Variants in ANK3 observed in about 807,000 individuals in gnomAD.
ANK3 encodes the protein ankyrin 3.
ANK3 carries 57 observed loss-of-function variants against 370.9 expected under a neutral mutation model. The ratio of observed to expected loss-of-function variants is 0.15; its 90% CI spans 0.12 to 0.19. ANK3 has a LOEUF of 0.19. Ranked by LOEUF, ANK3 falls within the 10% of genes least tolerant of loss-of-function variation. The probability of loss-of-function intolerance (pLI) is 1.00; values close to 1 mark genes in which losing one functional copy is unlikely to be tolerated. For missense variants in ANK3, 4,439 were observed against 5,302.1 expected, an observed-to-expected ratio of 0.84 and a Z score of 5.06; for synonymous variants, 1,929 against 1,946.3, an observed-to-expected ratio of 0.99 and a Z score of 0.23.
intron 42 of ANK3, among the ~76,000 whole-genome samples, chr10:60,046,780 C>T (rs539988120): frequency 1.3e-5 from 2 of 151,382 alleles, no homozygotes; most frequent in Non-Finnish European, 2.9e-5. Context: ...GCTCTAAGGC[C>T]TCTCTTCAAT....
chr10:60,666,126 A>T (rs1340539172), intron 1 of ANK3, among the ~76,000 whole-genome samples: 1 of 152,254 alleles, frequency 6.6e-6, no homozygotes, highest in Non-Finnish European at 1.5e-5. Context: ...TCATAAGGGC[A>T]TTACTCAAAA....
chr10:60,547,655 GGAGACAGACAGA>G (rs1347393453), intron 2 of ANK3, among the ~76,000 whole-genome samples: 3 of 148,584 alleles, frequency 2.0e-5, no homozygotes, highest in Non-Finnish European at 4.4e-5. Context: ...GGGTGGTGGT[GGAGACAGACAGA>G]GAGACAGAGA....
At chr10:60,382,170 C>G (rs889416771) in intron 1 of ANK3, among the ~76,000 whole-genome samples, 18 of 152,242 alleles carry the variant, frequency 1.2e-4, no homozygotes, top group Admixed American at 1.0e-3. Flanking sequence ...CTTTCAGTAC[C>G]TACAAAATCT....
intron 24 of ANK3, among the ~76,000 whole-genome samples, chr10:60,135,738 A>T (rs1489724279): frequency 6.6e-6 from 1 of 152,214 alleles, no homozygotes; most frequent in Non-Finnish European, 1.5e-5. Flanking sequence ...TTTGCATGAA[A>T]CAATTTCTTT....
At chr10:60,208,336 C>G in intron 9 of ANK3, 103 bp from the exon 10 acceptor site, 1 of 961,082 alleles carries the variant, frequency 1.0e-6, no homozygotes. Flanking sequence ...CAGTTCTTCA[C>G]ATGAAAATAC....
At chr10:60,132,480 T>C (rs1367299649) in intron 25 of ANK3, among the ~76,000 whole-genome samples, 1 of 152,164 alleles carries the variant, frequency 6.6e-6, no homozygotes, top group Non-Finnish European at 1.5e-5. Context: ...AGATGTCTCT[T>C]TCTCTTCCAC....
chr10:60,062,645 G>A (rs532651650), intron 40 of ANK3: 1 of 152,318 alleles, frequency 6.6e-6, no homozygotes, highest in South Asian at 2.1e-4. Context: ...TAAATACCTG[G>A]TGCCACACAG....
At chr10:60,635,411 A>T (rs991710348) in intron 1 of ANK3, among the ~76,000 whole-genome samples, 7 of 152,196 alleles carry the variant, frequency 4.6e-5, no homozygotes, top group Non-Finnish European at 8.8e-5. Context: ...ATGCCTAAAA[A>T]AAATCTATAA....
chr10:60,201,994 C>T (rs549556661), intron 12 of ANK3, among the ~76,000 whole-genome samples: 98 of 152,168 alleles, frequency 6.4e-4, no homozygotes, highest in South Asian at 1.5e-3. Context: ...GGATTACAGG[C>T]GTGAGCCACC....
intron 1 of ANK3, among the ~76,000 whole-genome samples, chr10:60,717,632 T>C (rs986703585): frequency 4.6e-5 from 7 of 152,218 alleles, no homozygotes; most frequent in Non-Finnish European, 1.0e-4. Flanking sequence ...TTAATAATAT[T>C]TATTATGCCC....
intron 12 of ANK3, among the ~76,000 whole-genome samples, chr10:60,200,607 C>G (rs79222441): frequency 6.6e-6 from 1 of 151,920 alleles, no homozygotes; most frequent in Non-Finnish European, 1.5e-5. Flanking sequence ...GCCAACCCCC[C>G]ACCCCACACC....
chr10:60,237,181 G>T (rs2097347054), intron 7 of ANK3, among the ~76,000 whole-genome samples: 1 of 152,214 alleles, frequency 6.6e-6, no homozygotes, highest in South Asian at 2.1e-4. Flanking sequence ...CTGGCAGAAG[G>T]AAATAAATTT....
At chr10:60,544,197 T>G (rs550372776) in intron 2 of ANK3, among the ~76,000 whole-genome samples, 64 of 152,200 alleles carry the variant, frequency 4.2e-4, no homozygotes, top group African/African-American at 1.5e-3. Flanking sequence ...TCCATATATG[T>G]TTTATTCTGA....
At chr10:60,325,984 G>A (rs754618255) in intron 1 of ANK3, among the ~76,000 whole-genome samples, 3 of 152,152 alleles carry the variant, frequency 2.0e-5, no homozygotes, top group Admixed American at 1.3e-4. Context: ...TGCAGCTCAC[G>A]GGTGGAGCTG....
At chr10:60,299,672 C>T (rs137996580) in intron 1 of ANK3, among the ~76,000 whole-genome samples, 141 of 151,050 alleles carry the variant, frequency 9.3e-4, no homozygotes, top group African/African-American at 3.3e-3. Context: ...AAACATAAAG[C>T]AAATATTTAC....
chr10:60,663,706 AAAAGTACCATTT>A (rs1220606033), intron 1 of ANK3, among the ~76,000 whole-genome samples: 39 of 152,250 alleles, frequency 2.6e-4, no homozygotes, highest in Admixed American at 3.3e-4. Context: ...TTGAAACTGT[AAAAGTACCATTT>A]AAAGTAAATT....
At chr10:60,486,532 A>G (rs2075352894) in intron 2 of ANK3, among the ~76,000 whole-genome samples, 1 of 152,230 alleles carries the variant, frequency 6.6e-6, no homozygotes, top group Admixed American at 6.5e-5. Context: ...GTGAGCTGAG[A>G]TCATGCCACT....
chr10:60,591,942 C>T (rs1245499974), intron 2 of ANK3, among the ~76,000 whole-genome samples: 1 of 151,996 alleles, frequency 6.6e-6, no homozygotes, highest in Non-Finnish European at 1.5e-5. Context: ...ATAATGGAGG[C>T]TTGGGGGAGA....
chr10:60,322,797 G>A (rs1163228735), intron 1 of ANK3, among the ~76,000 whole-genome samples: 2 of 149,068 alleles, frequency 1.3e-5, no homozygotes, highest in Admixed American at 6.7e-5. Context: ...AAAACCTATG[G>A]GGGGGAAAAA....
Sources: allele counts gnomAD v4.1 joint callset (sites outside exome capture counted in the v4.1 genomes callset), GRCh38; gene constraint gnomAD v4.1.1; transcripts MANE v1.5; gene names NCBI Gene and HGNC (gene_info 2026-07-23, HGNC 2026-07-21).